ABTB3: variants seen among roughly 807,000 people sequenced by gnomAD.
ABTB3 encodes the protein ankyrin repeat and BTB domain containing 3, also known as ankyrin repeat- and BTB/POZ domain-containing protein 3.
At chr12:107,328,628 C>G in the ABTB3 span, among the ~76,000 whole-genome samples, 3 of 152,092 alleles carry the variant, frequency 2.0e-5, no homozygotes, top group African/African-American at 7.3e-5. Flanking sequence ...AATCTCCACA[C>G]TCTTCTTGTG....
At chr12:107,519,537 C>T in the ABTB3 span, among the ~76,000 whole-genome samples, 2 of 152,080 alleles carry the variant, frequency 1.3e-5, no homozygotes, top group South Asian at 2.1e-4. Flanking sequence ...AGGCTGGTCT[C>T]GAACTCCTGA....
the ABTB3 span, chr12:107,620,015 G>C: frequency 1.2e-6 from 2 of 1,613,854 alleles, no homozygotes. Context: ...CACGTGGCTG[G>C]AGTCTTTGCG....
the ABTB3 span, among the ~76,000 whole-genome samples, chr12:107,447,543 G>A: frequency 6.6e-6 from 1 of 152,280 alleles, no homozygotes; most frequent in East Asian, 1.9e-4. Context: ...ACCCCAAGCT[G>A]GTGGTTGGGA....
At chr12:107,444,180 C>T in the ABTB3 span, among the ~76,000 whole-genome samples, 3 of 152,230 alleles carry the variant, frequency 2.0e-5, no homozygotes, top group Non-Finnish European at 2.9e-5. Flanking sequence ...GCTGGGACAG[C>T]AGAGCATGGC....
chr12:107,357,269 G>C, the ABTB3 span, among the ~76,000 whole-genome samples: 1 of 152,218 alleles, frequency 6.6e-6, no homozygotes, highest in Admixed American at 6.5e-5. Flanking sequence ...CTGCTCCGTT[G>C]TGGGCATCCC....
At chr12:107,391,009 G>C in the ABTB3 span, among the ~76,000 whole-genome samples, 1 of 152,148 alleles carries the variant, frequency 6.6e-6, no homozygotes, top group Non-Finnish European at 1.5e-5. Flanking sequence ...AAATTAGCTG[G>C]GTGTGGTGGC....
At chr12:107,651,902 G>T in the ABTB3 span, 5 of 836,880 alleles carry the variant, frequency 6.0e-6, no homozygotes, top group African/African-American at 8.4e-5. Context: ...GTTCTCTCAG[G>T]GCTAAGCCGC....
At chr12:107,358,988 G>C in the ABTB3 span, among the ~76,000 whole-genome samples, 1 of 152,218 alleles carries the variant, frequency 6.6e-6, no homozygotes, top group African/African-American at 2.4e-5. Context: ...GACTACCCCC[G>C]AAGAGTCTGC....
the ABTB3 span, chr12:107,617,232 G>T: frequency 6.2e-7 from 1 of 1,613,644 alleles, no homozygotes; most frequent in East Asian, 2.2e-5. Context: ...GTGCACCCTG[G>T]CCCTTGAAGT....
the ABTB3 span, among the ~76,000 whole-genome samples, chr12:107,422,438 C>A: frequency 6.6e-6 from 1 of 152,110 alleles, no homozygotes; most frequent in Admixed American, 6.5e-5. Context: ...TGGTTCCAAG[C>A]AGAAGAGTGA....
At chr12:107,466,701 G>A in the ABTB3 span, among the ~76,000 whole-genome samples, 1 of 152,106 alleles carries the variant, frequency 6.6e-6, no homozygotes, top group East Asian at 1.9e-4. Flanking sequence ...ATCCCAAAGA[G>A]CATGCAGGGC....
At chr12:107,494,768 C>A in the ABTB3 span, among the ~76,000 whole-genome samples, 10 of 152,146 alleles carry the variant, frequency 6.6e-5, no homozygotes, top group African/African-American at 2.4e-4. Context: ...CAGGTGGCAC[C>A]TCCCCTTCCT....
the ABTB3 span, among the ~76,000 whole-genome samples, chr12:107,335,337 C>T: frequency 8.6e-6 from 1 of 116,100 alleles, no homozygotes. Flanking sequence ...GCAGCAGCAT[C>T]GATGTACTTA....
chr12:107,423,224 A>G, the ABTB3 span, among the ~76,000 whole-genome samples: 2 of 152,372 alleles, frequency 1.3e-5, no homozygotes, highest in South Asian at 2.1e-4. Context: ...AATTTTTTCA[A>G]TAAGTGAGAA....
chr12:107,376,128 T>A, the ABTB3 span, among the ~76,000 whole-genome samples: 3 of 152,082 alleles, frequency 2.0e-5, no homozygotes, highest in East Asian at 5.8e-4. Flanking sequence ...TGGTATTTGC[T>A]CCCCTCCTCG....
At chr12:107,359,048 G>T in the ABTB3 span, among the ~76,000 whole-genome samples, 18 of 152,342 alleles carry the variant, frequency 1.2e-4, 1 homozygote, top group South Asian at 3.7e-3. Context: ...GGTGTGGCAT[G>T]GGACAGAAGG....
chr12:107,580,828 A>G, the ABTB3 span: 36 of 1,533,210 alleles, frequency 2.3e-5, no homozygotes, highest in Non-Finnish European at 3.2e-5. Context: ...CCTTATGTTC[A>G]CATGATCGCC....
At chr12:107,505,583 GTT>G in the ABTB3 span, among the ~76,000 whole-genome samples, 4 of 143,846 alleles carry the variant, frequency 2.8e-5, no homozygotes, top group Admixed American at 7.0e-5. Flanking sequence ...CAGATCAAAG[GTT>G]TTTTTTTTTT....
At chr12:107,618,390 C>A in the ABTB3 span, 1 of 1,600,358 alleles carries the variant, frequency 6.2e-7, no homozygotes, top group Non-Finnish European at 8.5e-7. Flanking sequence ...TCAGTCTGGG[C>A]ACCCTCCACC....
Sources: allele counts gnomAD v4.1 joint callset (sites outside exome capture counted in the v4.1 genomes callset), GRCh38; gene constraint gnomAD v4.1.1; transcripts MANE v1.5; gene names NCBI Gene and HGNC (gene_info 2026-07-23, HGNC 2026-07-21).